The following ECM2 variants were observed in gnomAD, a reference collection of about 807,000 sequenced individuals.
ECM2 encodes extracellular matrix protein 2.
A neutral mutation model predicts 67.5 loss-of-function variants in ECM2; 57 were observed. That is an observed-to-expected ratio of 0.84 (90% CI 0.68 to 1.05). The LOEUF (loss-of-function observed/expected upper bound fraction) is 1.05. ECM2 is among the 50% of genes least tolerant of loss of function. The pLI is 0.00. For missense variants in ECM2, 741 were observed against 822.8 expected (o/e 0.90, Z 1.22); for synonymous variants, 258 against 294.5 (o/e 0.88, Z 1.27).
intron 5 of ECM2, 131 bp from the exon 6 acceptor site, chr9:92,510,165 C>T: frequency 1.1e-6 from 1 of 920,898 alleles, no homozygotes; most frequent in Non-Finnish European, 1.5e-6. Context: ...GTCCAGGCCA[C>T]ACAGCAAACC....
chr9:92,548,642 AT>A, the ECM2 span, among the ~76,000 whole-genome samples: 1 of 152,242 alleles, frequency 6.6e-6, no homozygotes, highest in African/African-American at 2.4e-5. Flanking sequence ...TATCAAGTAT[AT>A]TTAAAATATA....
chr9:92,508,693 G>A (rs1847153711), intron 6 of ECM2, among the ~76,000 whole-genome samples: 1 of 152,074 alleles, frequency 6.6e-6, no homozygotes, highest in Admixed American at 6.6e-5. Flanking sequence ...AATCCATCTG[G>A]AAATTGAGTA....
At chr9:92,513,693 A>G (rs1458143486) in intron 4 of ECM2, among the ~76,000 whole-genome samples, 5 of 152,224 alleles carry the variant, frequency 3.3e-5, no homozygotes. Flanking sequence ...TATGTATTGT[A>G]TGATTCCACT....
At chr9:92,511,208 C>T (rs927396791) in intron 5 of ECM2, among the ~76,000 whole-genome samples, 1 of 152,182 alleles carries the variant, frequency 6.6e-6, no homozygotes, top group Non-Finnish European at 1.5e-5. Context: ...TCACTGCAAC[C>T]TCCGCCTCCC....
At chr9:92,523,361 A>G (rs1848195399) in intron 1 of ECM2, among the ~76,000 whole-genome samples, 1 of 152,196 alleles carries the variant, frequency 6.6e-6, no homozygotes. Flanking sequence ...TGTCATACCT[A>G]TTCAGCTCTG....
rs983139300 is a variant in ECM2 at position 92,495,469 on chromosome 9, T to A, written c.*846A>T. On this transcript the variant is annotated 3_prime_UTR_variant, in exon 10 of 10. Transcript: ENST00000344604. ...CCAGTGGTGCAAAATTTTTCAAAAA[T>A]TTATACATTAGATTTACCTTTACAA... is the stretch of plus-strand genomic sequence containing the variant. 1.3e-5 allele frequency: 13 copies of A among 984,860 alleles called. No homozygotes were observed. The South Asian group carries it at 1.4e-4, about 11-fold the overall frequency. The allele number at this position is 984,860 out of a possible 1,614,324, so 61.0% of individuals were successfully genotyped here. A position where few individuals can be genotyped will look rare whatever the true frequency, so the allele number is the denominator to read the frequency against.
chr9:92,516,402 A>G (rs72754429), intron 3 of ECM2, among the ~76,000 whole-genome samples: 6,054 of 152,266 alleles, frequency 0.04, 185 homozygotes, highest in South Asian at 0.098. Context: ...TTAAAAATTT[A>G]CTTAATCATC....
At chr9:92,553,501 T>C in the ECM2 span, among the ~76,000 whole-genome samples, 5 of 152,296 alleles carry the variant, frequency 3.3e-5, no homozygotes, top group South Asian at 1.0e-3. Flanking sequence ...TTTGGCAGTA[T>C]GATCATTTCC....
upstream of ECM2, chr9:92,538,904 C>T (rs1044989410): frequency 6.6e-6 from 1 of 152,080 alleles, no homozygotes; most frequent in East Asian, 1.9e-4. Flanking sequence ...ATCACCTTTT[C>T]AGTATTTTTC....
intron 3 of ECM2, chr9:92,516,969 AGT>A: frequency 6.6e-6 from 1 of 152,360 alleles, no homozygotes; most frequent in Non-Finnish European, 1.5e-5. Flanking sequence ...TTATTTAACA[AGT>A]ATTTATTTGC....
chr9:92,536,906 G>C (rs1849191246), upstream of ECM2, among the ~76,000 whole-genome samples: 1 of 132,604 alleles, frequency 7.5e-6, no homozygotes, highest in African/African-American at 3.0e-5. Context: ...TTTTTGCTCT[G>C]TTGCCCAGGC....
chr9:92,496,933 A>C (rs1167339673), intron 9 of ECM2, among the ~76,000 whole-genome samples: 3 of 150,502 alleles, frequency 2.0e-5, no homozygotes, highest in African/African-American at 4.9e-5. Context: ...TTTATTTATA[A>C]GGTTTGCAAA....
chr9:92,552,124 A>AGATCTATCATATATGTGATAT, the ECM2 span, among the ~76,000 whole-genome samples: 2 of 145,978 alleles, frequency 1.4e-5, no homozygotes. Flanking sequence ...GTGATATGAT[A>AGATCTATCATATATGTGATAT]GATCTATCAT....
the ECM2 span, among the ~76,000 whole-genome samples, chr9:92,554,317 G>A: frequency 6.6e-6 from 1 of 151,912 alleles, no homozygotes; most frequent in African/African-American, 2.4e-5. Flanking sequence ...CCCAGTAGCT[G>A]GGATTACAGG....
At chr9:92,556,231 T>G in the ECM2 span, among the ~76,000 whole-genome samples, 32 of 152,228 alleles carry the variant, frequency 2.1e-4, no homozygotes, top group African/African-American at 6.8e-4. Context: ...TCCAGTTTTA[T>G]TCCACTGTGG....
At chr9:92,505,767 T>C (rs1426849444) in intron 6 of ECM2, 77 bp from the exon 7 acceptor site, 5 of 1,219,154 alleles carry the variant, frequency 4.1e-6, no homozygotes, top group Non-Finnish European at 5.7e-6. Flanking sequence ...TGAAATGTCA[T>C]GTGAAATGGC....
chr9:92,514,546 A>G, intron 4 of ECM2, 85 bp downstream of exon 4: 2 of 1,498,592 alleles, frequency 1.3e-6, no homozygotes, highest in Non-Finnish European at 1.8e-6. Flanking sequence ...AAGTGCTGAG[A>G]TTATAGGCGT....
At chr9:92,505,775 G>T in intron 6 of ECM2, 85 bp from the exon 7 acceptor site, 1 of 1,146,776 alleles carries the variant, frequency 8.7e-7, no homozygotes, top group Non-Finnish European at 1.2e-6. Flanking sequence ...CATGTGAAAT[G>T]GCCGGTTTAT....
chr9:92,503,927 G>T (rs1441862536), intron 7 of ECM2, among the ~76,000 whole-genome samples: 2 of 152,216 alleles, frequency 1.3e-5, no homozygotes, highest in African/African-American at 4.8e-5. Context: ...TGAGGCAGGT[G>T]TACAGCAGTG....
Sources: allele counts gnomAD v4.1 joint callset (sites outside exome capture counted in the v4.1 genomes callset), GRCh38; gene constraint gnomAD v4.1.1; transcripts MANE v1.5; gene names NCBI Gene and HGNC (gene_info 2026-07-23, HGNC 2026-07-21).